The following USP25 variants were observed in gnomAD, a reference collection of about 807,000 sequenced individuals.
The protein encoded by USP25 is ubiquitin specific peptidase 25.
A neutral mutation model predicts 158.5 loss-of-function variants in USP25; 85 were observed. The ratio of observed to expected loss-of-function variants is 0.54; its 90% CI spans 0.45 to 0.64. The LOEUF (loss-of-function observed/expected upper bound fraction) is 0.64, where lower values mean the gene tolerates loss of function less well. Ranked by LOEUF, USP25 falls within the 30% of genes least tolerant of loss-of-function variation. The pLI is 0.00. For synonymous variants in USP25, 464 were observed against 460.4 expected (o/e 1.01, Z -0.10); for missense variants, 1,242 against 1,327.3 (o/e 0.94, Z 1.00).
At chr21:15,783,928 C>T (rs1325805807) in intron 4 of USP25, among the ~76,000 whole-genome samples, 1 of 151,992 alleles carries the variant, frequency 6.6e-6, no homozygotes, top group African/African-American at 2.4e-5. Context: ...CGAGATCGCG[C>T]CACTGCACTC....
intron 4 of USP25, among the ~76,000 whole-genome samples, chr21:15,784,389 G>T (rs535933842): frequency 1.3e-5 from 2 of 152,106 alleles, no homozygotes; most frequent in East Asian, 3.9e-4. Context: ...CCTGATGAAC[G>T]TGGAGAAACC....
At chr21:15,745,372 A>G (rs988265670) in intron 1 of USP25, among the ~76,000 whole-genome samples, 1 of 148,616 alleles carries the variant, frequency 6.7e-6, no homozygotes, top group African/African-American at 2.5e-5. Context: ...TTGTATTTGC[A>G]TTTTCTTAAC....
At chr21:15,819,542 C>T (rs942854538) in intron 10 of USP25, among the ~76,000 whole-genome samples, 17 of 152,074 alleles carry the variant, frequency 1.1e-4, no homozygotes, top group Non-Finnish European at 7.4e-5. Context: ...CTGTTAAACT[C>T]CATGAATGTG....
intron 20 of USP25, among the ~76,000 whole-genome samples, chr21:15,853,331 G>A (rs945800820): frequency 1.2e-4 from 18 of 151,416 alleles, no homozygotes; most frequent in East Asian, 7.7e-4. Context: ...ACACGCACAC[G>A]TGTACACATA....
chr21:15,730,517 G>A (rs1328038102), intron 1 of USP25, 79 bp downstream of exon 1: 4 of 1,280,190 alleles, frequency 3.1e-6, no homozygotes, highest in African/African-American at 1.6e-5. Context: ...CGGGCGCCCC[G>A]GCCTCGCCGC....
At chr21:15,855,580 G>A (rs189113163) in intron 20 of USP25, among the ~76,000 whole-genome samples, 3 of 152,240 alleles carry the variant, frequency 2.0e-5, no homozygotes, top group East Asian at 1.9e-4. Context: ...TCAAGACAGC[G>A]GTCCAACATT....
chr21:15,799,533 A>G, intron 5 of USP25: 1 of 342,588 alleles, frequency 2.9e-6, no homozygotes, highest in East Asian at 4.4e-5. Context: ...ATATTTAAAA[A>G]GTTGTCCAAA....
At chr21:15,764,748 A>G (rs1268115971) in intron 2 of USP25, among the ~76,000 whole-genome samples, 3 of 152,116 alleles carry the variant, frequency 2.0e-5, no homozygotes, top group East Asian at 1.9e-4. Flanking sequence ...TTATTTAACA[A>G]TAGTGTATCT....
intron 17 of USP25, among the ~76,000 whole-genome samples, chr21:15,836,926 A>T (rs112764221): frequency 5.8e-5 from 8 of 137,370 alleles, no homozygotes; most frequent in South Asian, 2.4e-4. Context: ...AGTGTAGGGA[A>T]CAGAGTGAGT....
intron 17 of USP25, among the ~76,000 whole-genome samples, chr21:15,839,230 AG>A (rs1402280051): frequency 4.6e-5 from 7 of 152,128 alleles, no homozygotes; most frequent in African/African-American, 1.7e-4. Context: ...CACTCATCTA[AG>A]TTCCCTGGGA....
At chr21:15,817,280 T>G (rs1222019198) in intron 9 of USP25, among the ~76,000 whole-genome samples, 2 of 152,188 alleles carry the variant, frequency 1.3e-5, no homozygotes, top group Non-Finnish European at 2.9e-5. Flanking sequence ...CTCAGTCAAG[T>G]CCTGTTGGTG....
At position 15,766,980 on chromosome 21, in the gene USP25, A is replaced by G. The variant is rs1568777951; in HGVS notation, c.268+839A>G. On this transcript the variant is annotated intron_variant, in intron 3 of 25. Coordinates refer to ENST00000400183, the MANE Select transcript of USP25 (RefSeq NM_001283041.3). The surrounding 1 kb of genome is among the most constrained non-coding windows in gnomAD (Gnocchi z 4.0). Reference sequence around the variant, plus strand: ...TTATTGATAAAATATTTTAATTTTTAGTTTTCAGGATAATCTTAGCATTTT... The same window carrying G: ...TTATTGATAAAATATTTTAATTTTTGGTTTTCAGGATAATCTTAGCATTTT... 1.3e-5 allele frequency among the ~76,000 whole-genome samples: 2 copies of G among 152,070 alleles called. No individual in the cohort carries two copies. Among genetic ancestry groups the G allele is most frequent in the African/African-American group, 4.8e-5 (2 of 41,442 alleles).
At chr21:15,856,083 A>C (rs1268657870) in intron 20 of USP25, among the ~76,000 whole-genome samples, 1 of 152,196 alleles carries the variant, frequency 6.6e-6, no homozygotes, top group Non-Finnish European at 1.5e-5. Flanking sequence ...GTTTATATGC[A>C]GGGCATTGTC....
intron 24 of USP25, chr21:15,877,393 A>G (rs1330892452): frequency 1.3e-5 from 2 of 159,184 alleles, no homozygotes; most frequent in Non-Finnish European, 1.4e-5. Context: ...TTCAGTTGCC[A>G]TTAATGGAGA....
chr21:15,828,679 C>T (rs12106430), intron 14 of USP25, among the ~76,000 whole-genome samples: 4,095 of 152,268 alleles, frequency 0.027, 191 homozygotes, highest in African/African-American at 0.091. Context: ...CGCTCTGTCA[C>T]CAGGCTGGAG....
chr21:15,825,572 C>G (rs2037461756), intron 12 of USP25, among the ~76,000 whole-genome samples: 1 of 152,002 alleles, frequency 6.6e-6, no homozygotes, highest in Non-Finnish European at 1.5e-5. Flanking sequence ...ATGAGTATGG[C>G]CTCACTGTTG....
chr21:15,781,665 C>T (rs561530632), intron 4 of USP25, among the ~76,000 whole-genome samples: 122 of 152,206 alleles, frequency 8.0e-4, no homozygotes, highest in Admixed American at 3.5e-3. Flanking sequence ...AAGTATCCTG[C>T]CTCTGCCATA....
intron 17 of USP25, among the ~76,000 whole-genome samples, chr21:15,834,453 A>T (rs2037963293): frequency 6.6e-6 from 1 of 151,280 alleles, no homozygotes; most frequent in African/African-American, 2.4e-5. Context: ...TTTTTGCAAG[A>T]TCTGCATGTT....
intron 3 of USP25, chr21:15,773,385 A>G (rs918496576): frequency 6.6e-6 from 1 of 152,204 alleles, no homozygotes; most frequent in Admixed American, 6.5e-5. Context: ...TATTCTATCT[A>G]AAGAGAGCTG....
Sources: gnomAD v4.1 joint callset for allele counts (sites outside exome capture counted in the v4.1 genomes callset) on GRCh38, gnomAD v4.1.1 for gene constraint, Gnocchi (gnomAD v3.1) non-coding constraint, MANE v1.5 for transcripts, NCBI Gene and HGNC (gene_info 2026-07-23, HGNC 2026-07-21) for gene names.